The following CDYL variants were observed in gnomAD, a reference collection of about 807,000 sequenced individuals.
CDYL encodes the protein chromodomain Y-like protein.
In CDYL, 8 loss-of-function variants were observed where a neutral mutation model predicts 47.3. The ratio of observed to expected loss-of-function variants is 0.17; its 90% CI spans 0.10 to 0.31. The LOEUF (loss-of-function observed/expected upper bound fraction) is 0.31, where lower values mean the gene tolerates loss of function less well. CDYL is among the 10% of genes least tolerant of loss of function. The pLI is 1.00. For missense variants in CDYL, 471 were observed against 701.4 expected, an observed-to-expected ratio of 0.67 and a Z score of 3.71; for synonymous variants, 266 against 265.0, an observed-to-expected ratio of 1.00 and a Z score of -0.04.
intron 2 of CDYL, among the ~76,000 whole-genome samples, chr6:4,731,587 A>G (rs1368754683): frequency 1.3e-5 from 2 of 152,238 alleles, no homozygotes; most frequent in African/African-American, 4.8e-5. Context: ...ACTTGAGGTC[A>G]GGAGTTCGAG....
At chr6:4,764,947 T>G (rs551987351) in intron 3 of CDYL, among the ~76,000 whole-genome samples, 2 of 152,312 alleles carry the variant, frequency 1.3e-5, no homozygotes, top group African/African-American at 4.8e-5. Context: ...GTATAAAACT[T>G]AAGCAATTTT....
chr6:4,783,250 G>GT (rs144564528), intron 1 of CDYL, among the ~76,000 whole-genome samples: 18,301 of 141,750 alleles, frequency 0.13, 1,290 homozygotes, highest in Non-Finnish European at 0.17. Context: ...AAGTTTCTAG[G>GT]TTTTTTTTTT....
intron 2 of CDYL, among the ~76,000 whole-genome samples, chr6:4,933,535 G>A (rs1479568137): frequency 1.3e-5 from 2 of 152,232 alleles, no homozygotes; most frequent in Admixed American, 6.5e-5. Flanking sequence ...GCAAGTGCAG[G>A]CAGGTGAGGC....
chr6:4,734,704 G>A (rs1757671057), intron 2 of CDYL: 3 of 1,602,698 alleles, frequency 1.9e-6, no homozygotes, highest in Non-Finnish European at 1.7e-6. Flanking sequence ...GGGAAGATGG[G>A]GATGGGGAAG....
chr6:4,723,213 T>C (rs1284367623), intron 2 of CDYL, among the ~76,000 whole-genome samples: 1 of 152,150 alleles, frequency 6.6e-6, no homozygotes, highest in Non-Finnish European at 1.5e-5. Context: ...GCAGTAGATA[T>C]TAAGAAATTT....
chr6:4,785,124 A>G (rs1581165229), intron 1 of CDYL, among the ~76,000 whole-genome samples: 2 of 152,356 alleles, frequency 1.3e-5, no homozygotes, highest in East Asian at 3.9e-4. Flanking sequence ...AGTGTTCAGT[A>G]CAGTAACATC....
intron 3 of CDYL, among the ~76,000 whole-genome samples, chr6:4,735,314 G>T (rs1220587949): frequency 6.6e-6 from 1 of 151,686 alleles, no homozygotes; most frequent in South Asian, 2.1e-4. Flanking sequence ...AAAAAAGGAC[G>T]TTTTTAAGTT....
At chr6:4,888,535 T>A (rs1761957672) in intron 1 of CDYL, among the ~76,000 whole-genome samples, 1 of 152,216 alleles carries the variant, frequency 6.6e-6, no homozygotes, top group Non-Finnish European at 1.5e-5. Context: ...TTTTTCTTAA[T>A]CAAAATAAGT....
chr6:4,742,457 A>T (rs1757814344), intron 3 of CDYL, among the ~76,000 whole-genome samples: 1 of 151,396 alleles, frequency 6.6e-6, no homozygotes, highest in Non-Finnish European at 1.5e-5. Flanking sequence ...AAAAGAAAAG[A>T]AAAAGGAAGA....
chr6:4,802,654 A>G (rs1759257689), intron 1 of CDYL, among the ~76,000 whole-genome samples: 2 of 152,172 alleles, frequency 1.3e-5, no homozygotes, highest in African/African-American at 2.4e-5. Flanking sequence ...TAGGGTGAGT[A>G]TAGCTTGTCT....
At chr6:4,750,885 C>G (rs1379553336) in intron 3 of CDYL, among the ~76,000 whole-genome samples, 1 of 147,014 alleles carries the variant, frequency 6.8e-6, no homozygotes, top group Non-Finnish European at 1.5e-5. Context: ...TGGAGTCTTG[C>G]TCTGTCACCT....
chr6:4,895,806 TATATA>T (rs1226477628), intron 2 of CDYL, among the ~76,000 whole-genome samples: 1 of 152,206 alleles, frequency 6.6e-6, no homozygotes, highest in East Asian at 1.9e-4. Context: ...TTATATTTCT[TATATA>T]AGGAAGATAA....
chr6:4,842,123 C>A (rs1760515643), intron 1 of CDYL, among the ~76,000 whole-genome samples: 1 of 135,414 alleles, frequency 7.4e-6, no homozygotes, highest in African/African-American at 2.7e-5. Flanking sequence ...TATATATAAA[C>A]TTGTTAATAT....
chr6:4,931,853 C>T (rs1289114630), intron 2 of CDYL, among the ~76,000 whole-genome samples: 1 of 152,186 alleles, frequency 6.6e-6, no homozygotes, highest in African/African-American at 2.4e-5. Context: ...TAGTCTTGGT[C>T]AGCGTGAGCC....
intron 2 of CDYL, among the ~76,000 whole-genome samples, chr6:4,900,777 G>GTGTGTGTATATATGTATGTA (rs1337124010): frequency 2.8e-4 from 5 of 18,134 alleles, no homozygotes; most frequent in Non-Finnish European, 4.3e-4. Flanking sequence ...CCGTATACGT[G>GTGTGTGTATATATGTATGTA]TGTATATATA....
At chr6:4,930,943 T>C (rs1382008857) in intron 2 of CDYL, among the ~76,000 whole-genome samples, 2 of 152,216 alleles carry the variant, frequency 1.3e-5, no homozygotes, top group Non-Finnish European at 2.9e-5. Context: ...CGCACTAATT[T>C]CCACAGTTTG....
chr6:4,951,202 A>T (rs1383485643), intron 5 of CDYL, among the ~76,000 whole-genome samples: 1 of 152,136 alleles, frequency 6.6e-6, no homozygotes, highest in Non-Finnish European at 1.5e-5. Context: ...GAAGCCACCT[A>T]CCGAAATTGT....
intron 2 of CDYL, among the ~76,000 whole-genome samples, chr6:4,916,048 A>C (rs1304134568): frequency 6.6e-6 from 1 of 151,960 alleles, no homozygotes; most frequent in African/African-American, 2.4e-5. Context: ...TTCCTAGGCC[A>C]AACCAATGTA....
At chr6:4,937,809 G>C (rs1758243977) in intron 4 of CDYL, 72 bp downstream of exon 4, 4 of 1,211,308 alleles carry the variant, frequency 3.3e-6, no homozygotes, top group Non-Finnish European at 4.7e-6. Context: ...TGATAGAATG[G>C]GCCTGACCAA....
Sources: allele counts gnomAD v4.1 joint callset (sites outside exome capture counted in the v4.1 genomes callset), GRCh38; gene constraint gnomAD v4.1.1; transcripts MANE v1.5; gene names NCBI Gene and HGNC (gene_info 2026-07-23, HGNC 2026-07-21).